The following OTOP1 variants were observed in gnomAD, a reference collection of about 807,000 sequenced individuals.
OTOP1 encodes the protein otopetrin 1.
A neutral mutation model predicts 52.9 loss-of-function variants in OTOP1; 59 were observed. The observed-to-expected ratio is 1.12, with a 90% CI of 0.91 to 1.39. OTOP1 has a LOEUF of 1.39. Among genes scored for constraint, OTOP1 ranks in the 40% most tolerant of loss-of-function variants. OTOP1 has a pLI of 0.00. For missense variants in OTOP1, 761 were observed against 800.9 expected (o/e 0.95, Z 0.60); for synonymous variants, 317 against 337.7 (o/e 0.94, Z 0.67).
chr4:4,190,574 T>TA, intron 5 of OTOP1, among the ~76,000 whole-genome samples: 1 of 152,382 alleles, frequency 6.6e-6, no homozygotes, highest in East Asian at 1.9e-4. Context: ...AACAATACAG[T>TA]ATAACAACTA....
intron 2 of OTOP1, 108 bp from the exon 3 acceptor site, chr4:4,206,238 G>T: frequency 1.2e-6 from 1 of 843,214 alleles, no homozygotes; most frequent in Non-Finnish European, 1.9e-6. Context: ...AAAATGCTGG[G>T]ACATCAGTGA....
chr4:4,220,848 C>A (rs562136635), intron 1 of OTOP1, among the ~76,000 whole-genome samples: 2 of 152,124 alleles, frequency 1.3e-5, no homozygotes, highest in South Asian at 2.1e-4. Context: ...GAATCTTGAA[C>A]CCCCCTCTTA....
At chr4:4,225,125 C>G (rs748808568) in intron 1 of OTOP1, among the ~76,000 whole-genome samples, 1 of 152,352 alleles carries the variant, frequency 6.6e-6, no homozygotes, top group East Asian at 1.9e-4. Context: ...ATATGAGAGT[C>G]CAAGTGGCAA....
At chr4:4,201,465 T>TACACACACAC (rs773676745) in intron 4 of OTOP1, among the ~76,000 whole-genome samples, 90 of 86,178 alleles carry the variant, frequency 1.0e-3, no homozygotes, top group Non-Finnish European at 1.4e-3. Context: ...AATAAATATA[T>TACACACACAC]ATATATACAC....
chr4:4,198,177 G>T (rs1577176389), intron 4 of OTOP1, 74 bp from the exon 5 acceptor site: 1 of 1,299,606 alleles, frequency 7.7e-7, no homozygotes, highest in South Asian at 1.3e-5. Context: ...ACAGAAAACT[G>T]TTTCCACCGT....
chr4:4,216,236 C>A (rs1369791329), intron 1 of OTOP1, among the ~76,000 whole-genome samples: 3 of 152,024 alleles, frequency 2.0e-5, no homozygotes, highest in Non-Finnish European at 4.4e-5. Flanking sequence ...AATATAAAAA[C>A]AAACTAATAA....
At chr4:4,209,958 G>A (rs1716989132) in intron 2 of OTOP1, among the ~76,000 whole-genome samples, 1 of 152,068 alleles carries the variant, frequency 6.6e-6, no homozygotes, top group Admixed American at 6.6e-5. Flanking sequence ...CTCACAAACG[G>A]TTCTTGGACC....
intron 1 of OTOP1, among the ~76,000 whole-genome samples, chr4:4,225,833 G>A (rs1717418088): frequency 6.6e-6 from 1 of 152,244 alleles, no homozygotes; most frequent in South Asian, 2.1e-4. Flanking sequence ...AAGAACACTG[G>A]AGCCCAGTGC....
chr4:4,215,928 C>T (rs978307466), intron 1 of OTOP1, among the ~76,000 whole-genome samples: 4 of 151,886 alleles, frequency 2.6e-5, no homozygotes. Flanking sequence ...ATCCCAAGTA[C>T]CTGGGATTAC....
chr4:4,226,281 A>G (rs1811445), intron 1 of OTOP1, among the ~76,000 whole-genome samples, 181 bp downstream of exon 1: 72,291 of 149,430 alleles, frequency 0.48, 19,837 homozygotes, highest in African/African-American at 0.78. Context: ...CGGCGACCCA[A>G]GCTTCAGAGA....
intron 2 of OTOP1, among the ~76,000 whole-genome samples, chr4:4,211,567 G>A (rs1717025896): frequency 6.6e-6 from 1 of 152,174 alleles, no homozygotes; most frequent in Non-Finnish European, 1.5e-5. Flanking sequence ...TCACTTATAT[G>A]TGGTATTTAG....
In OTOP1 at chr4:4,197,510, A is replaced by G. The variant is rs745709892; in HGVS notation, c.1324T>C (p.Phe442Leu). 1 of 1,613,882 alleles carries G rather than the reference A, an allele frequency of 6.2e-7. No individual in the cohort carries two copies. The highest frequency in any genetic ancestry group is 1.3e-5 in the African/African-American group (1 of 74,852). ...TCTCGGTGAATGGATTCAAAGATGA[A>G]GAGGTTCTGGATGTACTTCTCCACG... ...AIVEKYIQNL[F>L]IFESIHREPE... Residue 442 changes from phenylalanine to leucine, a missense_variant, in exon 5 of 6, where the codon TTC (phenylalanine) becomes CTC (leucine). Coordinates refer to ENST00000296358, the MANE Select transcript of OTOP1 (RefSeq NM_177998.3).
chr4:4,200,403 G>T (rs1181130087), intron 4 of OTOP1, among the ~76,000 whole-genome samples: 1 of 151,172 alleles, frequency 6.6e-6, no homozygotes, highest in African/African-American at 2.4e-5. Context: ...TGACTCCCGG[G>T]AGGCAGAGCT....
chr4:4,221,695 G>A (rs1438634475), intron 1 of OTOP1, among the ~76,000 whole-genome samples: 1 of 152,194 alleles, frequency 6.6e-6, no homozygotes, highest in African/African-American at 2.4e-5. Flanking sequence ...AGCTCCACCT[G>A]AGCAGAGCCT....
At chr4:4,217,108 T>C (rs1717171495) in intron 1 of OTOP1, among the ~76,000 whole-genome samples, 5 of 152,220 alleles carry the variant, frequency 3.3e-5, no homozygotes, top group Admixed American at 3.3e-4. Context: ...ATAAATACTT[T>C]ACATATTTTC....
At chr4:4,221,778 C>A (rs982061377) in intron 1 of OTOP1, among the ~76,000 whole-genome samples, 2 of 152,134 alleles carry the variant, frequency 1.3e-5, no homozygotes, top group Non-Finnish European at 2.9e-5. Context: ...CCCACCACAC[C>A]CAGCTTTTTG....
intron 4 of OTOP1, 72 bp from the exon 5 acceptor site, chr4:4,198,175 CTG>C: frequency 1.5e-6 from 2 of 1,321,158 alleles, no homozygotes; most frequent in South Asian, 1.3e-5. Flanking sequence ...GCACAGAAAA[CTG>C]TTTCCACCGT....
intron 4 of OTOP1, among the ~76,000 whole-genome samples, chr4:4,199,662 C>T (rs1158699919): frequency 1.3e-5 from 2 of 152,188 alleles, no homozygotes; most frequent in African/African-American, 2.4e-5. Flanking sequence ...ATCCGCCTGC[C>T]TCCGCCTCCC....
At chr4:4,221,874 C>G (rs1717309022) in intron 1 of OTOP1, among the ~76,000 whole-genome samples, 1 of 152,172 alleles carries the variant, frequency 6.6e-6, no homozygotes, top group African/African-American at 2.4e-5. Context: ...CCTCAGCCTC[C>G]CAAAGTGCTG....
Sources: allele counts gnomAD v4.1 joint callset (sites outside exome capture counted in the v4.1 genomes callset), GRCh38; gene constraint gnomAD v4.1.1; transcripts MANE v1.5; gene names NCBI Gene and HGNC (gene_info 2026-07-23, HGNC 2026-07-21).